The following RYR2 variants were observed in gnomAD, a reference collection of about 807,000 sequenced individuals.
RYR2 encodes the protein ryanodine receptor 2.
Under a neutral mutation model 601.1 loss-of-function variants are expected in RYR2, and 227 were observed. That is an observed-to-expected ratio of 0.38 (90% CI 0.34 to 0.42). The LOEUF is 0.42. Ranked by LOEUF, RYR2 falls within the 10% of genes least tolerant of loss-of-function variation. RYR2 has a pLI of 1.00. For missense variants in RYR2, 4,646 were observed against 6,156.5 expected (o/e 0.75, Z 8.21); for synonymous variants, 2,223 against 2,175.1 (o/e 1.02, Z -0.61).
At chr1:237,764,636 G>A (rs1281009022) in intron 84 of RYR2, among the ~76,000 whole-genome samples, 1 of 151,450 alleles carries the variant, frequency 6.6e-6, no homozygotes, top group Non-Finnish European at 1.5e-5. Context: ...TAGTAGAGAT[G>A]GGGTTTCACC....
At chr1:237,204,503 C>CAA (rs67002856) in intron 1 of RYR2, among the ~76,000 whole-genome samples, 3 of 106,620 alleles carry the variant, frequency 2.8e-5, no homozygotes, top group African/African-American at 8.9e-5. Flanking sequence ...AAAACAAAAA[C>CAA]AAAAAAAAAA....
intron 1 of RYR2, among the ~76,000 whole-genome samples, chr1:237,182,884 T>G (rs1678942163): frequency 6.6e-6 from 1 of 152,232 alleles, no homozygotes; most frequent in Non-Finnish European, 1.5e-5. Context: ...CTAAATCCAT[T>G]GAGACTCTAT....
intron 24 of RYR2, among the ~76,000 whole-genome samples, 199 bp from the exon 25 acceptor site, chr1:237,530,228 G>A (rs924749557): frequency 2.0e-5 from 3 of 151,752 alleles, no homozygotes; most frequent in Admixed American, 6.6e-5. Flanking sequence ...GGAGAATGGC[G>A]TGAATCCGGG....
At chr1:237,684,166 C>T (rs776834148) in intron 62 of RYR2, among the ~76,000 whole-genome samples, 12 of 151,710 alleles carry the variant, frequency 7.9e-5, no homozygotes, top group Non-Finnish European at 1.5e-4. Context: ...GAACTCCTGA[C>T]CTCAGGTGAT....
chr1:237,278,483 T>C (rs1262866248), intron 2 of RYR2, among the ~76,000 whole-genome samples: 1 of 152,082 alleles, frequency 6.6e-6, no homozygotes, highest in South Asian at 2.1e-4. Context: ...TCCCAGGAAA[T>C]AGAAAATATA....
chr1:237,732,453 CAAAA>C (rs1690776513), intron 78 of RYR2, among the ~76,000 whole-genome samples: 1 of 152,042 alleles, frequency 6.6e-6, no homozygotes, highest in African/African-American at 2.4e-5. Context: ...ATAAATAAAA[CAAAA>C]GAACCAAAGC....
chr1:237,070,585 T>G (rs1664197255), intron 1 of RYR2, among the ~76,000 whole-genome samples: 1 of 152,184 alleles, frequency 6.6e-6, no homozygotes. Flanking sequence ...TGGGCTTATT[T>G]CGCCCACATG....
At chr1:237,618,041 G>A (rs1189179041) in intron 38 of RYR2, among the ~76,000 whole-genome samples, 1 of 152,152 alleles carries the variant, frequency 6.6e-6, no homozygotes, top group East Asian at 1.9e-4. Flanking sequence ...CTCAGAGTGG[G>A]CCTCAGAGTG....
At chr1:237,555,933 T>C (rs1670830395) in intron 27 of RYR2, among the ~76,000 whole-genome samples, 2 of 152,064 alleles carry the variant, frequency 1.3e-5, no homozygotes, top group African/African-American at 2.4e-5. Flanking sequence ...AAATCAATGA[T>C]GGTTATATTT....
At chr1:237,351,294 G>A (rs1425584306) in intron 3 of RYR2, among the ~76,000 whole-genome samples, 1 of 151,788 alleles carries the variant, frequency 6.6e-6, no homozygotes, top group African/African-American at 2.4e-5. Flanking sequence ...ATCTCAAGAA[G>A]ACAAAAAGAA....
At chr1:237,621,223 A>G (rs1679043378) in intron 38 of RYR2, among the ~76,000 whole-genome samples, 1 of 152,122 alleles carries the variant, frequency 6.6e-6, no homozygotes, top group Non-Finnish European at 1.5e-5. Context: ...AAGAAATTGG[A>G]CACATCACAT....
rs184180802 is a variant in RYR2, at chr1:237,383,954, G to A, written c.577-3327G>A. On this transcript the variant is annotated intron_variant, in intron 8 of 104. Coordinates refer to ENST00000366574, the MANE Select transcript of RYR2 (RefSeq NM_001035.3). ...GACTTGGCTTTCATCCTCTGCCAGTGTCTGTTTTTGCTTTAAGGATAATTC... is the reference window on the plus strand; with the variant it reads ...GACTTGGCTTTCATCCTCTGCCAGTATCTGTTTTTGCTTTAAGGATAATTC... 5.3e-5 allele frequency among the ~76,000 whole-genome samples: 8 copies of A among 152,268 alleles called. No homozygotes were observed. The East Asian group carries it at 1.4e-3, about 26-fold the overall frequency.
intron 79 of RYR2, among the ~76,000 whole-genome samples, chr1:237,738,052 T>C (rs543148018): frequency 8.1e-4 from 124 of 152,310 alleles, no homozygotes; most frequent in African/African-American, 2.8e-3. Context: ...GAACTTTCAC[T>C]TGGCCTTCAT....
chr1:237,511,070 C>A (rs565960941), intron 23 of RYR2, among the ~76,000 whole-genome samples: 1 of 152,188 alleles, frequency 6.6e-6, no homozygotes, highest in Non-Finnish European at 1.5e-5. Context: ...ACAGGAAAAT[C>A]ACTATGAATT....
In RYR2 at chr1:237,819,904, A is replaced by G. The variant is rs990394901; in HGVS notation, c.14590+712A>G. ...GTTGAGATTTTTAAAAATGACATAC[A>G]GGCCAGGCGCAGGGGCTCACGCCTG... On this transcript the variant is annotated intron_variant, in intron 101 of 104. Transcript: ENST00000366574. The surrounding 1 kb of genome is among the most constrained non-coding windows in gnomAD (Gnocchi z 4.0). Among the ~76,000 whole-genome samples, 4 of 151,906 alleles carry G rather than the reference A, an allele frequency of 2.6e-5. No individual in the cohort carries two copies. Among genetic ancestry groups the G allele is most frequent in the African/African-American group, 7.3e-5 (3 of 41,378 alleles).
intron 10 of RYR2, among the ~76,000 whole-genome samples, chr1:237,397,724 CT>C (rs71561869): frequency 1.6e-3 from 231 of 140,868 alleles, no homozygotes; most frequent in Middle Eastern, 3.7e-3. Context: ...AATTTGGTAT[CT>C]TTTTTTTTTT....
intron 8 of RYR2, among the ~76,000 whole-genome samples, chr1:237,381,139 G>A (rs371980469): frequency 6.6e-5 from 10 of 151,838 alleles, no homozygotes; most frequent in African/African-American, 2.4e-4. Context: ...CAGCTACTAA[G>A]GAGGCTGAGG....
At chr1:237,149,313 A>C (rs959595263) in intron 1 of RYR2, among the ~76,000 whole-genome samples, 3 of 152,066 alleles carry the variant, frequency 2.0e-5, no homozygotes, top group Non-Finnish European at 4.4e-5. Flanking sequence ...AAACAAAAAC[A>C]AAAACAAAAA....
rs761272070 is a variant in RYR2, at chr1:237,705,289, G to T, written c.9526G>T (p.Asp3176Tyr). 1 of 1,604,620 alleles carries T rather than the reference G, an allele frequency of 6.2e-7. No homozygotes were observed. Among genetic ancestry groups the T allele is most frequent in the Non-Finnish European group, 8.5e-7 (1 of 1,174,648 alleles). Residue 3176 changes from aspartate (D) to tyrosine (Y), a missense_variant, in exon 67 of 105, where the codon GAC becomes TAC. Asp to Tyr is a radical substitution (Grantham distance 160). Around this residue, in one of 17 missense-constraint regions of RYR2, gnomAD observed 1,497 missense variants for 1,842.6 expected, o/e 0.81. Coordinates refer to ENST00000366574, the MANE Select transcript of RYR2 (RefSeq NM_001035.3). Reference protein sequence around the residue: ...FPVAFLETHLDKHNIYSIYNT... With the variant: ...FPVAFLETHLYKHNIYSIYNT... Reference sequence around the variant, plus strand: ...TGTAGCATTTTTGGAAACTCATCTGGACAAACATAATATTTACTCCATCTA... The same window carrying T: ...TGTAGCATTTTTGGAAACTCATCTGTACAAACATAATATTTACTCCATCTA...
Sources: gnomAD v4.1 joint callset for allele counts (sites outside exome capture counted in the v4.1 genomes callset) on GRCh38, gnomAD v4.1.1 for gene constraint, gnomAD v4.1.1 regional missense constraint, Gnocchi (gnomAD v3.1) non-coding constraint, MANE v1.5 for transcripts, NCBI Gene and HGNC (gene_info 2026-07-23, HGNC 2026-07-21) for gene names.